Variants in RAB13 observed in about 807,000 individuals in gnomAD.
The protein encoded by RAB13 is ras-related protein Rab-13.
A neutral mutation model predicts 29.3 loss-of-function variants in RAB13; 15 were observed. The ratio of observed to expected loss-of-function variants is 0.51; its 90% CI spans 0.34 to 0.79. The LOEUF (loss-of-function observed/expected upper bound fraction) is 0.79. Ranked by LOEUF, RAB13 falls within the 30% of genes least tolerant of loss-of-function variation. RAB13 has a pLI of 0.01. For synonymous variants in RAB13, 82 were observed against 93.8 expected, an observed-to-expected ratio of 0.87 and a Z score of 0.73; for missense variants, 186 against 255.5, an observed-to-expected ratio of 0.73 and a Z score of 1.85.
chr1:153,989,409 C>T (rs1571133086), upstream of RAB13, among the ~76,000 whole-genome samples: 1 of 150,938 alleles, frequency 6.6e-6, no homozygotes, highest in South Asian at 2.1e-4. Context: ...GCCACCGCGC[C>T]CGGCTAATTT....
At chr1:153,990,301 G>A (rs1021565419), upstream of RAB13, among the ~76,000 whole-genome samples, 1 of 152,238 alleles carries the variant, frequency 6.6e-6, no homozygotes, top group African/African-American at 2.4e-5. Context: ...GCTGACCTCA[G>A]GTGATCCACC....
upstream of RAB13, among the ~76,000 whole-genome samples, chr1:153,987,627 C>T (rs1051343935): frequency 2.0e-5 from 3 of 150,394 alleles, no homozygotes; most frequent in African/African-American, 7.3e-5. Context: ...GAAAAAAATA[C>T]GAAACACGAA....
upstream of RAB13, among the ~76,000 whole-genome samples, chr1:153,987,372 C>G (rs933103831): frequency 6.6e-6 from 1 of 151,898 alleles, no homozygotes; most frequent in African/African-American, 2.4e-5. Flanking sequence ...CAAAATTAGC[C>G]GGGCGTGGTG....
chr1:153,981,907 C>A lies in RAB13; in HGVS notation c.*192G>T, dbSNP rs558716227. 214 of 609,598 alleles carry A rather than the reference C, an allele frequency of 3.5e-4. No homozygotes were observed. Among genetic ancestry groups the A allele is most frequent in the Admixed American group, 5.0e-4 (17 of 34,066 alleles). The allele number at this position is 609,598 out of a possible 1,614,324, so 37.8% of individuals were successfully genotyped here. Reference sequence around the variant, plus strand: ...CTTCTTTCACTTCCTCAATTCATTCCTCTCCCTTCTCCCTTCCTCTCTCTT... The same window carrying A: ...CTTCTTTCACTTCCTCAATTCATTCATCTCCCTTCTCCCTTCCTCTCTCTT... On this transcript the variant is annotated 3_prime_UTR_variant, in exon 8 of 8. Transcript: ENST00000368575.
Position 153,982,063 on chromosome 1 carries a change from G to A in RAB13, c.*36C>T, listed in dbSNP as rs1648988366. The A allele has an allele frequency of 5.1e-6, 8 of 1,582,962 alleles. No homozygotes were observed. The highest frequency in any genetic ancestry group is 1.7e-5 in the Admixed American group (1 of 59,900). ...CTCCCTCTGCCGTTGTCTCCCTCAG[G>A]TTCAGCTTCCGGGGTGGGGAGGCAA... On this transcript the variant is annotated 3_prime_UTR_variant, in exon 8 of 8. Transcript: ENST00000368575.
chr1:153,984,946 A>C (rs1464470791), intron 1 of RAB13, 165 bp from the exon 2 acceptor site: 1 of 1,376,894 alleles, frequency 7.3e-7, no homozygotes, highest in African/African-American at 1.5e-5. Context: ...ATTTTCCCAA[A>C]GCTGTATTTG....
intron 4 of RAB13, 95 bp from the exon 5 acceptor site, chr1:153,982,903 G>C (rs1356128066): frequency 1.7e-6 from 2 of 1,182,020 alleles, no homozygotes; most frequent in Admixed American, 1.8e-5. Context: ...AAGGCGGGTG[G>C]ATCACCTGAT....
chr1:153,990,256 G>A (rs1649316501), upstream of RAB13, among the ~76,000 whole-genome samples: 1 of 152,158 alleles, frequency 6.6e-6, no homozygotes, highest in Non-Finnish European at 1.5e-5. Flanking sequence ...AGTAGAGACG[G>A]GGTTTCACTA....
upstream of RAB13, among the ~76,000 whole-genome samples, chr1:153,987,774 CAAAAAAAAAAA>C (rs60689643): frequency 3.2e-3 from 174 of 54,330 alleles, 1 homozygote; most frequent in African/African-American, 0.013. Flanking sequence ...ACTGCTTCGA[CAAAAAAAAAAA>C]AAAAAAAAAA....
rs776709028 is a variant in RAB13, at chr1:153,983,270, C to T, written c.273G>A (p.Thr91=). The part of the protein sequence containing the change: ...AMGIILVYDI[T]DEKSFENIQN... ...GAATATTCTCGAAAGATTTCTCATC[C>T]GTGATGTCGTATACTAGGATAATGC... Residue 91 remains threonine, a synonymous_variant, in exon 4 of 8, where the codon ACG becomes ACA. Coordinates refer to ENST00000368575, the MANE Select transcript of RAB13 (RefSeq NM_002870.5). 12 of 1,613,868 alleles carry T rather than the reference C, an allele frequency of 7.4e-6. No homozygotes were observed. Among genetic ancestry groups the T allele is most frequent in the Admixed American group, 3.3e-5 (2 of 59,982 alleles).
In RAB13 at chr1:153,982,234, ATAAACTG is replaced by A. The variant is rs1648999533; in HGVS notation, c.535-65_535-59del. ...GAATGGATGGTTAGGGTAGGAGGGT[ATAAACTG>A]TTTAAAGTAAATCCACCCTCATGAG... On this transcript the variant is annotated intron_variant, in intron 7 of 7. Coordinates refer to ENST00000368575, the MANE Select transcript of RAB13 (RefSeq NM_002870.5). 66 of 1,554,340 alleles carry A rather than the reference ATAAACTG, an allele frequency of 4.2e-5. No homozygotes were observed. In the South Asian group the frequency reaches 7.3e-4, roughly 17 times the overall value.
rs1220201453 is a variant in RAB13, at chr1:153,982,770, G to A, written c.363C>T (p.Asn121=). ...TCCTCTTGGCCTCCATGTCACATTT[G>A]TTCCCCAGCAAGAGGCGCTCCACCC... ...SAGVERLLLG[N]KCDMEAKRKV... The change falls in exon 5 of 8, where the codon AAC becomes AAT. Residue 121 remains asparagine (N), a synonymous_variant. Coordinates refer to ENST00000368575, the MANE Select transcript of RAB13 (RefSeq NM_002870.5). 3 of 1,614,116 alleles carry A rather than the reference G, an allele frequency of 1.9e-6. No individual in the cohort carries two copies. The highest frequency in any genetic ancestry group is 2.5e-6 in the Non-Finnish European group (3 of 1,180,032).
chr1:153,985,481 C>T, intron 1 of RAB13: 1 of 579,056 alleles, frequency 1.7e-6, no homozygotes, highest in Non-Finnish European at 2.2e-6. Context: ...GAGGATGAGT[C>T]ACCAGGCTGA....
At chr1:153,984,361 T>G (rs1395658157) in intron 2 of RAB13, among the ~76,000 whole-genome samples, 1 of 152,202 alleles carries the variant, frequency 6.6e-6, no homozygotes, top group Non-Finnish European at 1.5e-5. Flanking sequence ...TTTGGCTCTC[T>G]GGGCTCACCA....
chr1:153,985,832 A>G (rs1418217411), intron 1 of RAB13, among the ~76,000 whole-genome samples: 1 of 152,054 alleles, frequency 6.6e-6, no homozygotes, highest in African/African-American at 2.4e-5. Flanking sequence ...ACAGAGAAAA[A>G]TAGAGAAGAG....
chr1:153,983,462 A>T, intron 3 of RAB13, 59 bp downstream of exon 3: 1 of 1,542,450 alleles, frequency 6.5e-7, no homozygotes, highest in Non-Finnish European at 9.0e-7. Context: ...GACCCTTTGT[A>T]TTCATAATAT....
In RAB13 at chr1:153,981,816, A is replaced by G; in HGVS notation, c.*283T>C. 3 of 517,916 alleles carry G rather than the reference A, an allele frequency of 5.8e-6. No individual in the cohort carries two copies. The highest frequency in any genetic ancestry group is 1.0e-5 in the Non-Finnish European group (3 of 287,240). 32.1% of individuals were successfully genotyped at this position (517,916 alleles called of 1,614,324 possible). A position where few individuals can be genotyped will look rare whatever the true frequency, so the allele number is the denominator to read the frequency against. ...ACATTTATGTTTGCCCTGAAAACCCAGGTAAGGTCTGAAGCCTGAGGCATC... is the reference window on the plus strand; with the variant it reads ...ACATTTATGTTTGCCCTGAAAACCCGGGTAAGGTCTGAAGCCTGAGGCATC... On this transcript the variant is annotated 3_prime_UTR_variant, in exon 8 of 8. Transcript: ENST00000368575.
rs775121688 is a variant in RAB13 at position 153,986,097 on chromosome 1, T to C, written c.124+16A>G. 6.2e-7 allele frequency: 1 copy of C among 1,612,846 alleles called. No individual in the cohort carries two copies. The highest frequency in any genetic ancestry group is 1.7e-5 in the Admixed American group (1 of 59,968). ...CACAGGAGAGTCGGGGTCTGGGACA[T>C]GGCCAGCGGGCTCACCGATGGTGGA... On this transcript the variant is annotated intron_variant, in intron 1 of 7. Transcript: ENST00000368575.
chr1:153,986,008 G>T (rs1255167336), intron 1 of RAB13, 105 bp downstream of exon 1: 1 of 1,528,568 alleles, frequency 6.5e-7, no homozygotes, highest in Non-Finnish European at 8.8e-7. Flanking sequence ...TAGAATTTAG[G>T]AGCCTTACTC....
Sources: allele counts gnomAD v4.1 joint callset (sites outside exome capture counted in the v4.1 genomes callset), GRCh38; gene constraint gnomAD v4.1.1; transcripts MANE v1.5; gene names NCBI Gene and HGNC (gene_info 2026-07-23, HGNC 2026-07-21).